The following PCDH15 variants were observed in gnomAD, a reference collection of about 807,000 sequenced individuals.
PCDH15 encodes protocadherin-15.
In PCDH15, 129 loss-of-function variants were observed where a neutral mutation model predicts 178.5. The observed-to-expected ratio is 0.72, with a 90% CI of 0.63 to 0.84. The LOEUF is 0.84. Among genes scored for constraint, PCDH15 ranks in the 40% least tolerant of loss-of-function variants. The pLI is 0.00. For missense variants in PCDH15, 2,230 were observed against 2,099.9 expected (o/e 1.06, Z -1.21); for synonymous variants, 800 against 732.0 (o/e 1.09, Z -1.50).
At chr10:54,444,187 G>C (rs181346985) in intron 3 of PCDH15, among the ~76,000 whole-genome samples, 1 of 151,768 alleles carries the variant, frequency 6.6e-6, no homozygotes, top group African/African-American at 2.4e-5. Flanking sequence ...AAAAAATCTT[G>C]CTGTAAAAAC....
At chr10:54,639,014 TA>T (rs2093929187) in intron 2 of PCDH15, among the ~76,000 whole-genome samples, 1 of 152,110 alleles carries the variant, frequency 6.6e-6, no homozygotes, top group Non-Finnish European at 1.5e-5. Flanking sequence ...TACAGAGTGA[TA>T]TAATAAACAA....
chr10:53,940,730 T>C, intron 24 of PCDH15, 136 bp downstream of exon 24: 1 of 715,300 alleles, frequency 1.4e-6, no homozygotes, highest in Admixed American at 2.1e-5. Context: ...GGATACATGG[T>C]TAACAATTAC....
In PCDH15 at chr10:54,762,663, A is replaced by T. The variant is rs535940513; in HGVS notation, c.-29+38262T>A. On this transcript the variant is annotated intron_variant, in intron 1 of 37. Coordinates refer to ENST00000644397, the MANE Select transcript of PCDH15 (RefSeq NM_001384140.1). ...GGTTAAAACATTCCTTTTAGAGTAAACACTTATGAAATTCTTAAGCATTGT... is the reference window on the plus strand; with the variant it reads ...GGTTAAAACATTCCTTTTAGAGTAATCACTTATGAAATTCTTAAGCATTGT... 2.0e-5 allele frequency among the ~76,000 whole-genome samples: 3 copies of T among 152,230 alleles called. No homozygotes were observed. The South Asian group carries it at 6.2e-4, about 32-fold the overall frequency.
chr10:55,600,713 G>A (rs1030213187), intron 2 of PCDH15, among the ~76,000 whole-genome samples: 11 of 152,010 alleles, frequency 7.2e-5, no homozygotes, highest in African/African-American at 2.2e-4. Flanking sequence ...ATGAGAAACC[G>A]GGCCCACTTC....
intron 3 of PCDH15, among the ~76,000 whole-genome samples, chr10:54,412,015 T>C (rs938664226): frequency 6.6e-6 from 1 of 152,098 alleles, no homozygotes; most frequent in Non-Finnish European, 1.5e-5. Context: ...GGGTGACCTG[T>C]GCACATGCTA....
intron 2 of PCDH15, among the ~76,000 whole-genome samples, chr10:54,982,754 T>C (rs1839269696): frequency 6.6e-6 from 1 of 152,184 alleles, no homozygotes; most frequent in Non-Finnish European, 1.5e-5. Context: ...TGCATAAGTT[T>C]TGCATTGCTT....
At chr10:54,939,164 G>C (rs2444836) in intron 2 of PCDH15, among the ~76,000 whole-genome samples, 25,415 of 151,870 alleles carry the variant, frequency 0.17, 2,374 homozygotes, top group Admixed American at 0.23. Context: ...GTCAGTTTCA[G>C]TAGTTTGTGT....
chr10:54,379,952 G>A lies in PCDH15; in HGVS notation c.158-1010C>T, dbSNP rs113246002. 5.0e-3 allele frequency among the ~76,000 whole-genome samples: 763 copies of A among 152,080 alleles called. 2 individuals are homozygous for A. The highest frequency in any genetic ancestry group is 7.7e-3 in the Non-Finnish European group (521 of 67,978). ...ACAGAGAATCCATAAATACGAATCT[G>A]GCTTGAAAAATATAACGAAAAAAGT... On this transcript the variant is annotated intron_variant, in intron 3 of 37. Coordinates refer to ENST00000644397, the MANE Select transcript of PCDH15 (RefSeq NM_001384140.1).
Position 54,912,119 on chromosome 10 carries a change from G to A in PCDH15, c.-79-14619C>T, listed in dbSNP as rs146706904. ...TAGACTTGTTGATTCTGTTTTGTGT[G>A]TCATAATACAGTGAGTACCATTCCA... is the stretch of plus-strand genomic sequence containing the variant. On this transcript the variant is annotated intron_variant, in intron 2 of 5. Coordinates refer to the PCDH15 transcript ENST00000458638. Among the ~76,000 whole-genome samples, 189 of 152,004 alleles carry A rather than the reference G, an allele frequency of 1.2e-3. 2 individuals are homozygous for A. The highest frequency in any genetic ancestry group is 4.3e-3 in the African/African-American group (177 of 41,464).
intron 2 of PCDH15, among the ~76,000 whole-genome samples, chr10:55,398,491 T>C (rs139482525): frequency 1.0e-3 from 159 of 152,302 alleles, no homozygotes; most frequent in African/African-American, 3.8e-3. Flanking sequence ...CAAGGTTTCT[T>C]TTTTGAATAG....
At chr10:54,691,646 C>A (rs1388355765) in intron 1 of PCDH15, among the ~76,000 whole-genome samples, 1 of 151,846 alleles carries the variant, frequency 6.6e-6, no homozygotes, top group Non-Finnish European at 1.5e-5. Context: ...CACACATCGT[C>A]TACATTTTTA....
intron 8 of PCDH15, among the ~76,000 whole-genome samples, chr10:54,307,028 A>ATATATG (rs1367457752): frequency 2.9e-4 from 9 of 30,732 alleles, no homozygotes; most frequent in Admixed American, 1.0e-3. Context: ...ATATATATAT[A>ATATATG]TGTGTGTGTG....
At chr10:55,386,558 C>A (rs946439684) in intron 2 of PCDH15, among the ~76,000 whole-genome samples, 2 of 151,968 alleles carry the variant, frequency 1.3e-5, no homozygotes, top group African/African-American at 4.8e-5. Context: ...CAATGATATA[C>A]CCCAAGGTGG....
At chr10:55,053,046 C>G (rs1011859188) in intron 2 of PCDH15, among the ~76,000 whole-genome samples, 2 of 152,106 alleles carry the variant, frequency 1.3e-5, no homozygotes, top group African/African-American at 4.8e-5. Flanking sequence ...CATCTCTAAA[C>G]GTACATGACA....
rs142269199 is a variant in PCDH15, at chr10:55,310,287, C to T, written c.-156+9312G>A. On this transcript the variant is annotated intron_variant, in intron 1 of 5. Coordinates refer to the PCDH15 transcript ENST00000458638. ...TTATGCCCCCAGCATGTGTCTGACACATAATGGGTTCTTAATAAATTTTTC... is the reference window on the plus strand; with the variant it reads ...TTATGCCCCCAGCATGTGTCTGACATATAATGGGTTCTTAATAAATTTTTC... 2.8e-3 allele frequency among the ~76,000 whole-genome samples: 433 copies of T among 152,220 alleles called. 1 individual carries two copies. Among genetic ancestry groups the T allele is most frequent in the Non-Finnish European group, 4.9e-3 (334 of 68,004 alleles).
chr10:55,166,390 C>T (rs1011954876), intron 2 of PCDH15, among the ~76,000 whole-genome samples: 2 of 152,182 alleles, frequency 1.3e-5, no homozygotes, highest in African/African-American at 4.8e-5. Flanking sequence ...ACTTGATTAA[C>T]TATTTTCTCT....
intron 1 of PCDH15, among the ~76,000 whole-genome samples, chr10:54,772,053 C>CA (rs1159467834): frequency 1.3e-5 from 2 of 152,106 alleles, no homozygotes; most frequent in African/African-American, 4.8e-5. Flanking sequence ...AAAAGCCACC[C>CA]ATGAGTCCAC....
chr10:55,397,661 C>A (rs959785232), intron 2 of PCDH15, among the ~76,000 whole-genome samples: 7 of 152,078 alleles, frequency 4.6e-5, no homozygotes, highest in African/African-American at 1.7e-4. Context: ...CGGCTCACTG[C>A]AACCTCTCTC....
At chr10:54,623,651 G>A (rs907681030) in intron 2 of PCDH15, among the ~76,000 whole-genome samples, 6 of 151,946 alleles carry the variant, frequency 3.9e-5, no homozygotes, top group Non-Finnish European at 8.8e-5. Context: ...AGTCTCTTCT[G>A]GCTTGGAACA....
Sources: allele counts gnomAD v4.1 joint callset (sites outside exome capture counted in the v4.1 genomes callset), GRCh38; gene constraint gnomAD v4.1.1; transcripts MANE v1.5; gene names NCBI Gene and HGNC (gene_info 2026-07-23, HGNC 2026-07-21).